NPL: variants seen among roughly 807,000 people sequenced by gnomAD.
The protein encoded by NPL is N-acetylneuraminate pyruvate lyase, also known as N-acetylneuraminate lyase.
In NPL, 32 loss-of-function variants were observed where a neutral mutation model predicts 41.1. The observed-to-expected ratio is 0.78, with a 90% confidence interval of 0.59 to 1.05. The LOEUF (loss-of-function observed/expected upper bound fraction) is 1.05, where lower values mean the gene tolerates loss of function less well. Among genes scored for constraint, NPL ranks in the 50% least tolerant of loss-of-function variants. The probability of loss-of-function intolerance (pLI) is 0.00; values close to 1 mark genes in which losing one functional copy is unlikely to be tolerated. For synonymous variants in NPL, 128 were observed against 134.9 expected (o/e 0.95, Z 0.35); for missense variants, 321 against 378.4 (o/e 0.85, Z 1.26).
intron 3 of NPL, among the ~76,000 whole-genome samples, chr1:182,795,264 CCTTT>C (rs1557939325): frequency 6.6e-6 from 1 of 152,132 alleles, no homozygotes; most frequent in Non-Finnish European, 1.5e-5. Flanking sequence ...TTAAGCTTCT[CCTTT>C]CTTTCTATGT....
intron 9 of NPL, 51 bp from the exon 10 acceptor site, chr1:182,818,762 C>G: frequency 6.2e-7 from 1 of 1,613,504 alleles, no homozygotes; most frequent in Non-Finnish European, 8.5e-7. Context: ...ATAGTAGCAT[C>G]TCTTCTCTTT....
At position 182,806,189 on chromosome 1, in the gene NPL, C is replaced by T. The variant is rs146376593; in HGVS notation, c.187C>T (p.Arg63Cys). ...AGGCCTGTCCCTGAGCGTCTCAGAG[C>T]GTCGCCAGGTTGCAGAGGAGTGGGT... ...GEGLSLSVSERRQVAEEWVTK... is the reference protein window; with the variant it reads ...GEGLSLSVSECRQVAEEWVTK... Residue 63 changes from arginine (R) to cysteine (C), a missense_variant, in exon 5 of 13, where the codon CGT becomes TGT. Arg to Cys is a radical substitution (Grantham distance 180). Coordinates refer to ENST00000367553, the MANE Select transcript of NPL (RefSeq NM_030769.3). 63 of 1,614,034 alleles carry T rather than the reference C, an allele frequency of 3.9e-5. 1 individual carries two copies. The highest frequency in any genetic ancestry group is 1.1e-4 in the East Asian group (5 of 44,892).
rs1412497124 is a variant in NPL at position 182,825,333 on chromosome 1, A to G, written c.739-448A>G. On this transcript the variant is annotated intron_variant, in intron 11 of 12. Transcript: ENST00000367553. ...GCAGATTCTTATGCTGATCAATTTT[A>G]GAAAACAGCACTTATGGAAGTTGAG... is the stretch of plus-strand genomic sequence containing the variant. Among the ~76,000 whole-genome samples, 4 of 152,220 alleles carry G rather than the reference A, an allele frequency of 2.6e-5. No homozygotes were observed. In the East Asian group the frequency reaches 7.7e-4, roughly 29 times the overall value.
chr1:182,800,139 A>T (rs1425213209), intron 3 of NPL, among the ~76,000 whole-genome samples: 1 of 152,072 alleles, frequency 6.6e-6, no homozygotes, highest in Non-Finnish European at 1.5e-5. Context: ...GGGTGGGAAA[A>T]CAAGTGAAGG....
In NPL at chr1:182,822,216, C is replaced by T; in HGVS notation, c.738+17C>T. On this transcript the variant is annotated intron_variant, in intron 11 of 12. Coordinates refer to ENST00000367553, the MANE Select transcript of NPL (RefSeq NM_030769.3). ...AACTATCAGGTAAACGTTTTCTTCT[C>T]TTCCCATAAATCACAGCCTTTTTTC... 1 of 1,544,120 alleles carries T rather than the reference C, an allele frequency of 6.5e-7. No individual in the cohort carries two copies. The highest frequency in any genetic ancestry group is 9.0e-7 in the Non-Finnish European group (1 of 1,116,198).
At chr1:182,825,192 A>T (rs1008668119) in intron 11 of NPL, among the ~76,000 whole-genome samples, 5 of 152,178 alleles carry the variant, frequency 3.3e-5, no homozygotes, top group Non-Finnish European at 7.3e-5. Context: ...ACCAATACTG[A>T]TATTTTGATT....
intron 8 of NPL, 74 bp downstream of exon 8, chr1:182,816,880 C>A: frequency 8.7e-7 from 1 of 1,153,750 alleles, no homozygotes; most frequent in Non-Finnish European, 1.3e-6. Context: ...AGAAACTCCA[C>A]TCCATCCCAC....
Position 182,794,451 on chromosome 1 carries a change from T to C in NPL, c.68+12T>C, listed in dbSNP as rs1420883471. ...ATGACTGAGAATGGGTAACTATCAT[T>C]TGGGGCCTTGAGGGGATCAGTTCTC... On this transcript the variant is annotated intron_variant, in intron 3 of 12. Transcript: ENST00000367553. The C allele has an allele frequency of 1.9e-6, 3 of 1,613,768 alleles. No individual in the cohort carries two copies. The highest frequency in any genetic ancestry group is 3.3e-5 in the Admixed American group (2 of 60,022).
rs1327536069 is a variant in NPL, at chr1:182,828,780, G to A, written c.835G>A (p.Gly279Ser). ...IMTLVSGIPM[G>S]PPRLPLQKAS... ...GACTCTGGTCTCTGGGATTCCAATG[G>A]GCCCACCCCGGCTTCCACTGCAGAA... The change falls in exon 13 of 13, where the codon GGC becomes AGC. Residue 279 changes from glycine (G) to serine (S), a missense_variant. Transcript: ENST00000367553. This position sits in a 1 kb window ranked among gnomAD's most constrained non-coding sequence, Gnocchi z 4.0. 9.3e-6 allele frequency: 15 copies of A among 1,614,010 alleles called. No homozygotes were observed. The highest frequency in any genetic ancestry group is 1.3e-5 in the Non-Finnish European group (15 of 1,180,012).
At chr1:182,794,682 C>T (rs1224442004) in intron 3 of NPL, among the ~76,000 whole-genome samples, 1 of 152,220 alleles carries the variant, frequency 6.6e-6, no homozygotes, top group African/African-American at 2.4e-5. Context: ...TGAGAAATGG[C>T]AGCTTGCCTT....
intron 10 of NPL, 88 bp downstream of exon 10, chr1:182,818,947 C>T: frequency 1.8e-6 from 2 of 1,096,160 alleles, no homozygotes; most frequent in Non-Finnish European, 2.8e-6. Flanking sequence ...GCATGTGTAT[C>T]CTTTCTAATA....
At chr1:182,807,144 G>A (rs1667038183) in intron 5 of NPL, among the ~76,000 whole-genome samples, 1 of 152,072 alleles carries the variant, frequency 6.6e-6, no homozygotes, top group African/African-American at 2.4e-5. Context: ...GGCCAACTAA[G>A]TTTTATTGAT....
At chr1:182,796,347 G>A (rs1210267297) in intron 3 of NPL, among the ~76,000 whole-genome samples, 4 of 151,918 alleles carry the variant, frequency 2.6e-5, no homozygotes, top group South Asian at 2.1e-4. Flanking sequence ...CCAAGAACAC[G>A]TAGGCTTTAA....
At chr1:182,806,507 C>G in intron 5 of NPL, 2 of 1,536,262 alleles carry the variant, frequency 1.3e-6, no homozygotes, top group South Asian at 1.2e-5. Flanking sequence ...AGTCCCCTCA[C>G]AGTTACCCGT....
At chr1:182,811,980 G>T (rs563364680) in intron 5 of NPL, among the ~76,000 whole-genome samples, 176 bp from the exon 6 acceptor site, 1 of 152,222 alleles carries the variant, frequency 6.6e-6, no homozygotes, top group South Asian at 2.1e-4. Flanking sequence ...CAATGACCTA[G>T]GTTAAAAAGA....
intron 5 of NPL, chr1:182,806,681 T>G (rs1255706061): frequency 1.1e-6 from 1 of 906,468 alleles, no homozygotes; most frequent in Admixed American, 2.8e-5. Context: ...CAATGTGCTC[T>G]TTTATGGTGC....
At chr1:182,822,007 T>C (rs866397834) in intron 10 of NPL, 108 bp from the exon 11 acceptor site, 1 of 767,742 alleles carries the variant, frequency 1.3e-6, no homozygotes, top group Non-Finnish European at 2.3e-6. Context: ...AAACAGACTT[T>C]AGGAGGACTA....
At chr1:182,804,266 T>C (rs1322215735) in intron 4 of NPL, among the ~76,000 whole-genome samples, 1 of 152,184 alleles carries the variant, frequency 6.6e-6, no homozygotes, top group East Asian at 1.9e-4. Flanking sequence ...GTAGCCGGAC[T>C]ATAGGCGCAC....
At chr1:182,790,173 T>A (rs933454125) in intron 1 of NPL, among the ~76,000 whole-genome samples, 1 of 152,212 alleles carries the variant, frequency 6.6e-6, no homozygotes, top group African/African-American at 2.4e-5. Flanking sequence ...TCTGCTTTTT[T>A]AAAAATCCCT....
Sources: allele counts gnomAD v4.1 joint callset (sites outside exome capture counted in the v4.1 genomes callset), GRCh38; gene constraint gnomAD v4.1.1; non-coding constraint Gnocchi (gnomAD v3.1); transcripts MANE v1.5; gene names NCBI Gene and HGNC (gene_info 2026-07-23, HGNC 2026-07-21).